Variants in THAP5 observed in about 807,000 individuals in gnomAD.
The protein encoded by THAP5 is THAP domain-containing protein 5.
Under a neutral mutation model 34.0 loss-of-function variants are expected in THAP5, and 26 were observed. The ratio of observed to expected loss-of-function variants is 0.77; its 90% CI spans 0.56 to 1.06. The LOEUF (loss-of-function observed/expected upper bound fraction) is 1.06. Ranked by LOEUF, THAP5 falls within the 50% of genes least tolerant of loss-of-function variation. THAP5 has a pLI of 0.00. For missense variants in THAP5, 394 were observed against 452.8 expected, an observed-to-expected ratio of 0.87 and a Z score of 1.18; for synonymous variants, 125 against 153.0, an observed-to-expected ratio of 0.82 and a Z score of 1.35.
Position 108,564,237 on chromosome 7 carries a change from T to C in THAP5, c.1142A>G (p.Lys381Arg). 6.2e-7 allele frequency: 1 copy of C among 1,609,098 alleles called. No individual in the cohort carries two copies. The highest frequency in any genetic ancestry group is 8.5e-7 in the Non-Finnish European group (1 of 1,178,488). The change falls in exon 3 of 3, where the codon AAG (lysine) becomes AGG (arginine). Residue 381 changes from lysine to arginine, a missense_variant. Coordinates refer to ENST00000415914, the MANE Select transcript of THAP5 (RefSeq NM_001130475.3). ...QENWLSEENVKIIENHFTTYE... is the reference protein window; with the variant it reads ...QENWLSEENVRIIENHFTTYE... ...TGTTGTAAAATGGTTTTCTATAATC[T>C]TGACGTTTTCTTCAGATAGCCAGTT...
At position 108,562,368 on chromosome 7, in the gene THAP5, T is replaced by G. The variant is rs1273574005; in HGVS notation, c.*1823A>C. On this transcript the variant is annotated 3_prime_UTR_variant, in exon 3 of 3. Transcript: ENST00000415914. ...ATCTCCCCATAATTTATGCAAAAAT[T>G]TTAAGTTTTTCCCCCATCGTCACCT... 1 of 152,150 alleles carries G rather than the reference T, an allele frequency of 6.6e-6. No individual in the cohort carries two copies. Among genetic ancestry groups the G allele is most frequent in the East Asian group, 1.9e-4 (1 of 5,196 alleles). 9.4% of individuals were successfully genotyped at this position (152,150 alleles called of 1,614,324 possible).
chr7:108,553,782 C>T (rs1864368653), downstream of THAP5, among the ~76,000 whole-genome samples: 1 of 152,176 alleles, frequency 6.6e-6, no homozygotes, highest in South Asian at 2.1e-4. Context: ...TTCCCAATGG[C>T]AGCTCCATAC....
At chr7:108,565,216 G>GT in intron 2 of THAP5, 111 bp from the exon 3 acceptor site, 2 of 862,888 alleles carry the variant, frequency 2.3e-6, no homozygotes, top group Non-Finnish European at 3.4e-6. Flanking sequence ...AATTTATTTA[G>GT]TTAAAAAAAA....
rs577493154 is a variant in THAP5 at position 108,565,425 on chromosome 7, G to A, written c.274-320C>T. On this transcript the variant is annotated intron_variant, in intron 2 of 2. Transcript: ENST00000415914. ...CCTACTAAAAATACAAAAATTAGCCGGGCGTGGTGGCAGGCGCCTGTAATC... is the reference window on the plus strand; with the variant it reads ...CCTACTAAAAATACAAAAATTAGCCAGGCGTGGTGGCAGGCGCCTGTAATC... The A allele has an allele frequency of 4.9e-3, 914 of 188,170 alleles. 9 individuals are homozygous for A. The highest frequency in any genetic ancestry group is 0.024 in the Admixed American group (430 of 18,130). The allele number at this position is 188,170 out of a possible 1,614,324, so 11.7% of individuals were successfully genotyped here.
the THAP5 span, among the ~76,000 whole-genome samples, chr7:108,541,760 C>A: frequency 6.6e-5 from 10 of 152,156 alleles, no homozygotes; most frequent in African/African-American, 2.4e-4. Flanking sequence ...CTGTAGGCAT[C>A]CAGTGAAAAG....
At chr7:108,567,591 T>A (rs1291084499) in intron 1 of THAP5, among the ~76,000 whole-genome samples, 1 of 152,198 alleles carries the variant, frequency 6.6e-6, no homozygotes. Flanking sequence ...TTATATTGGT[T>A]CAATTCATTT....
chr7:108,544,235 A>C, the THAP5 span, among the ~76,000 whole-genome samples: 4 of 152,136 alleles, frequency 2.6e-5, no homozygotes, highest in Non-Finnish European at 5.9e-5. Flanking sequence ...CTAAATAAAG[A>C]AGGACATTGG....
chr7:108,542,055 A>AC, the THAP5 span, among the ~76,000 whole-genome samples: 1 of 152,238 alleles, frequency 6.6e-6, no homozygotes, highest in East Asian at 1.9e-4. Context: ...AGATCAGGAA[A>AC]AAAAACCCTT....
chr7:108,560,965 CT>C (rs1218064415), downstream of THAP5, among the ~76,000 whole-genome samples: 4 of 151,962 alleles, frequency 2.6e-5, no homozygotes, highest in Admixed American at 2.0e-4. Flanking sequence ...AACTCTTGGC[CT>C]CAGGTGATCC....
In THAP5 at chr7:108,564,732, T is replaced by C. The variant is rs1216210130; in HGVS notation, c.647A>G (p.His216Arg). Reference sequence around the variant, plus strand: ...AACTTCTTGAGTTTCCAAAGATTGATGAATACTTTCTGAATTTGAAGTTGT... The same window carrying C: ...AACTTCTTGAGTTTCCAAAGATTGACGAATACTTTCTGAATTTGAAGTTGT... ...TLTTSNSESI[H>R]QSLETQEVLE... Residue 216 changes from histidine (H) to arginine (R), a missense_variant, in exon 3 of 3, where the codon CAT becomes CGT. Transcript: ENST00000415914. 4 of 1,613,612 alleles carry C rather than the reference T, an allele frequency of 2.5e-6. No individual in the cohort carries two copies. The highest frequency in any genetic ancestry group is 1.3e-5 in the African/African-American group (1 of 74,914).
chr7:108,564,350 T>G lies in THAP5; in HGVS notation c.1029A>C (p.Ser343=), dbSNP rs202095088. The change falls in exon 3 of 3, where the codon TCA becomes TCC. Residue 343 remains serine (S), a synonymous_variant. Transcript: ENST00000415914. ...CTTTTAACTCTAGAAGAGTTATCTTTGAATGTAGCTTAGAGACTTTCTGCC... is the reference window on the plus strand; with the variant it reads ...CTTTTAACTCTAGAAGAGTTATCTTGGAATGTAGCTTAGAGACTTTCTGCC... ...HLWQKVSKLH[S]KITLLELKEQ... 4.0e-5 allele frequency: 64 copies of G among 1,613,748 alleles called. No individual in the cohort carries two copies. Among genetic ancestry groups the G allele is most frequent in the Non-Finnish European group, 5.1e-5 (60 of 1,179,886 alleles).
chr7:108,547,214 A>G, the THAP5 span, among the ~76,000 whole-genome samples: 19 of 152,142 alleles, frequency 1.2e-4, no homozygotes, highest in African/African-American at 4.1e-4. Context: ...TTTTAATACC[A>G]CACTGATGAA....
Position 108,564,571 on chromosome 7 carries a change from A to T in THAP5, c.808T>A (p.Ser270Thr), listed in dbSNP as rs775248402. The T allele has an allele frequency of 3.1e-6, 5 of 1,613,776 alleles. No individual in the cohort carries two copies. The African/African-American group carries it at 6.7e-5, about 22-fold the overall frequency. Residue 270 changes from serine to threonine, a missense_variant, in exon 3 of 3, where the codon TCT becomes ACT. By Grantham distance (58) the Ser-to-Thr change is moderately conservative. Coordinates refer to ENST00000415914, the MANE Select transcript of THAP5 (RefSeq NM_001130475.3). The stretch of plus-strand genomic sequence containing the variant: ...GCAGGTACAAAAATGGCAATAACAG[A>T]TTCTTTATTTGTGTTTAATTCTTCA... ...TVEELNTNKE[S>T]VIAIFVPAEN...
At chr7:108,550,099 T>G (rs1216883896), downstream of THAP5, among the ~76,000 whole-genome samples, 1 of 152,230 alleles carries the variant, frequency 6.6e-6, no homozygotes, top group Non-Finnish European at 1.5e-5. Context: ...GAATACATTT[T>G]CCAACAGCTT....
intron 1 of THAP5, among the ~76,000 whole-genome samples, chr7:108,566,716 A>AT (rs1222377786): frequency 2.6e-5 from 4 of 152,190 alleles, no homozygotes; most frequent in Non-Finnish European, 5.9e-5. Flanking sequence ...ACAGTCTCAG[A>AT]TATTTTATAT....
downstream of THAP5, among the ~76,000 whole-genome samples, chr7:108,553,497 T>C (rs1422344691): frequency 6.6e-6 from 1 of 152,246 alleles, no homozygotes; most frequent in Non-Finnish European, 1.5e-5. Flanking sequence ...TTGTACTTAC[T>C]CTTTGGAACT....
At chr7:108,561,986 T>A (rs540280473), downstream of THAP5, among the ~76,000 whole-genome samples, 60 of 152,316 alleles carry the variant, frequency 3.9e-4, no homozygotes, top group African/African-American at 1.4e-3. Flanking sequence ...TTTTTCAGAT[T>A]TTGAAATATC....
intron 1 of THAP5, among the ~76,000 whole-genome samples, chr7:108,567,884 C>T (rs1423633011): frequency 2.6e-5 from 4 of 152,202 alleles, no homozygotes; most frequent in Non-Finnish European, 4.4e-5. Flanking sequence ...CTTTACAATT[C>T]ACTTGCATTA....
chr7:108,557,779 A>G (rs1434787013), downstream of THAP5, among the ~76,000 whole-genome samples: 3 of 152,164 alleles, frequency 2.0e-5, no homozygotes, highest in Admixed American at 6.5e-5. Context: ...AACTGCTTCT[A>G]CATTTTCACA....
Sources: gnomAD v4.1 joint callset for allele counts (sites outside exome capture counted in the v4.1 genomes callset) on GRCh38, gnomAD v4.1.1 for gene constraint, MANE v1.5 for transcripts, NCBI Gene and HGNC (gene_info 2026-07-23, HGNC 2026-07-21) for gene names.